RUNX2: variants seen among roughly 807,000 people sequenced by gnomAD.
RUNX2 encodes the protein RUNX family transcription factor 2.
RUNX2 carries 10 observed loss-of-function variants against 51.7 expected under a neutral mutation model. The ratio of observed to expected loss-of-function variants is 0.19; its 90% CI spans 0.12 to 0.33. The LOEUF is 0.33. Among genes scored for constraint, RUNX2 ranks in the 10% least tolerant of loss-of-function variants. The pLI, the probability that RUNX2 is intolerant of heterozygous loss-of-function variation, is 1.00. For synonymous variants in RUNX2, 276 were observed against 273.6 expected, an observed-to-expected ratio of 1.01 and a Z score of -0.09; for missense variants, 562 against 691.3, an observed-to-expected ratio of 0.81 and a Z score of 2.10.
At chr6:45,337,166 A>T (rs1788739558) in intron 2 of RUNX2, among the ~76,000 whole-genome samples, 1 of 151,752 alleles carries the variant, frequency 6.6e-6, no homozygotes, top group South Asian at 2.1e-4. Context: ...ATATGAACAG[A>T]ACAACATGCC....
Position 45,410,337 on chromosome 6 carries a change from T to C in RUNX2, c.59-12256T>C, listed in dbSNP as rs145878737. Among the ~76,000 whole-genome samples the C allele has an allele frequency of 2.5e-4, 38 of 152,182 alleles. 1 individual carries two copies. The highest frequency in any genetic ancestry group is 7.9e-4 in the African/African-American group (33 of 41,534). ...AAGCCTGAACCTAAAGCAGTGACAATGGATATGGAAAGAAAATAGATATGA... is the reference window on the plus strand; with the variant it reads ...AAGCCTGAACCTAAAGCAGTGACAACGGATATGGAAAGAAAATAGATATGA... On this transcript the variant is annotated intron_variant, in intron 2 of 8. Transcript: ENST00000647337.
chr6:45,348,931 C>T (rs76626857), intron 2 of RUNX2, among the ~76,000 whole-genome samples: 1 of 152,082 alleles, frequency 6.6e-6, no homozygotes, highest in Non-Finnish European at 1.5e-5. Flanking sequence ...GTCCTTATCA[C>T]AATTTATAAT....
intron 7 of RUNX2, among the ~76,000 whole-genome samples, chr6:45,530,048 G>T (rs919016184): frequency 8.5e-5 from 13 of 152,162 alleles, no homozygotes; most frequent in African/African-American, 3.1e-4. Context: ...TTATCTTTCA[G>T]CCCATTTGCA....
chr6:45,488,289 G>T (rs984127440), intron 5 of RUNX2, among the ~76,000 whole-genome samples: 2 of 152,156 alleles, frequency 1.3e-5, no homozygotes, highest in African/African-American at 4.8e-5. Flanking sequence ...AGTGGCTAGT[G>T]TCATTTACTG....
intron 5 of RUNX2, among the ~76,000 whole-genome samples, chr6:45,482,574 C>T (rs1800147334): frequency 6.6e-6 from 1 of 152,222 alleles, no homozygotes; most frequent in Non-Finnish European, 1.5e-5. Context: ...ACTTCTCTCT[C>T]ACACACATCT....
At chr6:45,443,266 G>A (rs914733915) in intron 5 of RUNX2, among the ~76,000 whole-genome samples, 2 of 151,904 alleles carry the variant, frequency 1.3e-5, no homozygotes, top group East Asian at 3.9e-4. Context: ...TCCTAGGCTG[G>A]TCTTGAACTC....
At chr6:45,331,549 A>T (rs1055781484) in intron 2 of RUNX2, among the ~76,000 whole-genome samples, 1 of 152,028 alleles carries the variant, frequency 6.6e-6, no homozygotes, top group Admixed American at 6.6e-5. Flanking sequence ...ACTCTAACAC[A>T]TATCAAAAGC....
At chr6:45,451,862 C>A (rs1226385529) in intron 5 of RUNX2, among the ~76,000 whole-genome samples, 2 of 152,146 alleles carry the variant, frequency 1.3e-5, no homozygotes, top group Non-Finnish European at 2.9e-5. Context: ...CTTTCAAAAT[C>A]AAAGGCATGA....
chr6:45,394,021 T>G (rs998679439), intron 2 of RUNX2, among the ~76,000 whole-genome samples: 7 of 151,662 alleles, frequency 4.6e-5, no homozygotes, highest in African/African-American at 1.5e-4. Flanking sequence ...CAAGCAATTC[T>G]CCTGCCTCAG....
intron 5 of RUNX2, among the ~76,000 whole-genome samples, chr6:45,453,987 T>C (rs1799251084): frequency 6.6e-6 from 1 of 152,242 alleles, no homozygotes. Context: ...TTCTATATTT[T>C]GTGAGACCTG....
In RUNX2 at chr6:45,548,915, T is replaced by C. The variant is rs1802482584; in HGVS notation, c.*1610T>C. 1 of 383,932 alleles carries C rather than the reference T, an allele frequency of 2.6e-6. No individual in the cohort carries two copies. The highest frequency in any genetic ancestry group is 3.7e-5 in the East Asian group (1 of 26,880). The allele number at this position is 383,932 out of a possible 1,614,324, so 23.8% of individuals were successfully genotyped here. A position where few individuals can be genotyped will look rare whatever the true frequency, so the allele number is the denominator to read the frequency against. On this transcript the variant is annotated 3_prime_UTR_variant, in exon 9 of 9. Transcript: ENST00000647337. ...GAATGACATCACTGTCCTTTGGGAG[T>C]AGGTCCTCTGAAAAGGCAGCAGGTT... is the stretch of plus-strand genomic sequence containing the variant.
At chr6:45,377,073 G>T (rs1458865142) in intron 2 of RUNX2, among the ~76,000 whole-genome samples, 1 of 150,922 alleles carries the variant, frequency 6.6e-6, no homozygotes, top group African/African-American at 2.4e-5. Flanking sequence ...GTGAGACCAA[G>T]TGTCCTGATT....
chr6:45,535,558 T>C lies in RUNX2; in HGVS notation c.1022-9659T>C, dbSNP rs561538137. Reference sequence around the variant, plus strand: ...GGCAGAGCTTGCAGTGAGCCGAGATTGCGCCACTGCACTCTAGCCTGGGCA... The same window carrying C: ...GGCAGAGCTTGCAGTGAGCCGAGATCGCGCCACTGCACTCTAGCCTGGGCA... On this transcript the variant is annotated intron_variant, in intron 7 of 8. Coordinates refer to ENST00000647337, the MANE Select transcript of RUNX2 (RefSeq NM_001024630.4). Among the ~76,000 whole-genome samples the C allele has an allele frequency of 9.9e-5, 15 of 151,334 alleles. No homozygotes were observed. The South Asian group carries it at 3.1e-3, about 32-fold the overall frequency.
At chr6:45,467,389 C>T (rs1799664846) in intron 5 of RUNX2, among the ~76,000 whole-genome samples, 1 of 152,128 alleles carries the variant, frequency 6.6e-6, no homozygotes, top group Non-Finnish European at 1.5e-5. Context: ...TCAAGCGATT[C>T]ACCTACCTCA....
chr6:45,547,072 C>G lies in RUNX2; in HGVS notation c.1333C>G (p.Leu445Val), dbSNP rs1180944672. Residue 445 changes from leucine to valine, a missense_variant, in exon 9 of 9, where the codon CTC (leucine) becomes GTC (valine). Coordinates refer to ENST00000647337, the MANE Select transcript of RUNX2 (RefSeq NM_001024630.4). ...CTTCCAGACCAGCAGCACTCCATAT[C>G]TCTACTATGGCACTTCGTCAGGATC... ...GPFQTSSTPY[L>V]YYGTSSGSYQ... 4 of 1,614,008 alleles carry G rather than the reference C, an allele frequency of 2.5e-6. No homozygotes were observed. The highest frequency in any genetic ancestry group is 3.4e-6 in the Non-Finnish European group (4 of 1,180,024).
intron 3 of RUNX2, among the ~76,000 whole-genome samples, chr6:45,430,160 G>T (rs1199854185): frequency 2.6e-5 from 4 of 152,048 alleles, no homozygotes; most frequent in Non-Finnish European, 5.9e-5. Context: ...GGGTTGATAA[G>T]TGGTGAACAA....
intron 5 of RUNX2, among the ~76,000 whole-genome samples, chr6:45,477,150 T>C (rs966503876): frequency 3.9e-5 from 6 of 152,162 alleles, no homozygotes; most frequent in Admixed American, 3.9e-4. Context: ...ACTGCATGGG[T>C]TGTCTCCGCC....
chr6:45,336,980 G>T (rs1788697074), intron 2 of RUNX2, among the ~76,000 whole-genome samples: 1 of 151,642 alleles, frequency 6.6e-6, no homozygotes, highest in African/African-American at 2.4e-5. Context: ...TGTGAAAACA[G>T]TGTGATCTGA....
In RUNX2 at chr6:45,423,509, C is replaced by G. The variant is rs1798293088; in HGVS notation, c.423+552C>G. On this transcript the variant is annotated intron_variant, in intron 3 of 8. Coordinates refer to ENST00000647337, the MANE Select transcript of RUNX2 (RefSeq NM_001024630.4). ...CGCCTCTCCTCAGGTCTCGGCGTCCCCTTCCCCGACCCGCAGAGTTCAGCG... is the reference window on the plus strand; with the variant it reads ...CGCCTCTCCTCAGGTCTCGGCGTCCGCTTCCCCGACCCGCAGAGTTCAGCG... 3.3e-5 allele frequency among the ~76,000 whole-genome samples: 5 copies of G among 152,304 alleles called. No individual in the cohort carries two copies. In the South Asian group the frequency reaches 1.0e-3, roughly 32 times the overall value.
Sources: gnomAD v4.1 joint callset for allele counts (sites outside exome capture counted in the v4.1 genomes callset) on GRCh38, gnomAD v4.1.1 for gene constraint, MANE v1.5 for transcripts, NCBI Gene and HGNC (gene_info 2026-07-23, HGNC 2026-07-21) for gene names.